Variants in OLA1 observed in about 807,000 individuals in gnomAD.
OLA1 encodes the protein obg-like ATPase 1.
In OLA1, 14 loss-of-function variants were observed where a neutral mutation model predicts 48.4. That is an observed-to-expected ratio of 0.29 (90% confidence interval 0.19 to 0.45). OLA1 has a LOEUF of 0.45. Among genes scored for constraint, OLA1 ranks in the 20% least tolerant of loss-of-function variants. OLA1 has a pLI of 1.00. For missense variants in OLA1, 325 were observed against 467.1 expected (o/e 0.70, Z 2.80); for synonymous variants, 127 against 150.4 (o/e 0.84, Z 1.14).
intron 7 of OLA1, among the ~76,000 whole-genome samples, chr2:174,082,423 A>G (rs1032130313): frequency 1.3e-5 from 2 of 152,144 alleles, no homozygotes; most frequent in African/African-American, 4.8e-5. Context: ...TAAATTTTTA[A>G]AAGAAGACAT....
chr2:174,147,482 T>C (rs1425982199), intron 4 of OLA1, among the ~76,000 whole-genome samples: 1 of 152,160 alleles, frequency 6.6e-6, no homozygotes, highest in Non-Finnish European at 1.5e-5. Context: ...GAATTCTCTC[T>C]TATGGCCTAA....
At chr2:174,204,741 TAA>T (rs11327056) in intron 4 of OLA1, among the ~76,000 whole-genome samples, 14 of 151,582 alleles carry the variant, frequency 9.2e-5, no homozygotes, top group East Asian at 3.9e-4. Context: ...ATAATATTCA[TAA>T]AAAAAAACTT....
At chr2:174,216,706 C>G (rs1196337835) in intron 4 of OLA1, among the ~76,000 whole-genome samples, 1 of 151,820 alleles carries the variant, frequency 6.6e-6, no homozygotes, top group Non-Finnish European at 1.5e-5. Context: ...GTGCACGCCA[C>G]AATGCTGGCT....
At chr2:174,204,220 T>C (rs908934807) in intron 4 of OLA1, among the ~76,000 whole-genome samples, 12 of 151,862 alleles carry the variant, frequency 7.9e-5, no homozygotes, top group Admixed American at 6.5e-5. Flanking sequence ...GCTAACATGG[T>C]GAAACCCCGT....
chr2:174,141,744 G>T, intron 5 of OLA1, 81 bp downstream of exon 5: 1 of 1,012,666 alleles, frequency 9.9e-7, no homozygotes, highest in Non-Finnish European at 1.5e-6. Flanking sequence ...AATATTAGAT[G>T]TATCATATGC....
chr2:174,089,536 C>T (rs1319082254), intron 7 of OLA1, among the ~76,000 whole-genome samples: 1 of 152,120 alleles, frequency 6.6e-6, no homozygotes, highest in Non-Finnish European at 1.5e-5. Context: ...AAAATGTTTG[C>T]TCTGAATCCT....
intron 4 of OLA1, among the ~76,000 whole-genome samples, chr2:174,214,386 C>T (rs750161971): frequency 1.1e-4 from 16 of 152,142 alleles, no homozygotes; most frequent in Non-Finnish European, 2.1e-4. Flanking sequence ...TAAAAATATT[C>T]ATTATTATAA....
intron 7 of OLA1, among the ~76,000 whole-genome samples, chr2:174,093,713 A>G (rs1685180182): frequency 6.6e-6 from 1 of 152,168 alleles, no homozygotes; most frequent in Admixed American, 6.6e-5. Flanking sequence ...CGAGATATGA[A>G]GCCAATATTT....
At chr2:174,242,807 CAAT>C (rs1689035123) in intron 2 of OLA1, among the ~76,000 whole-genome samples, 1 of 152,164 alleles carries the variant, frequency 6.6e-6, no homozygotes. Flanking sequence ...CTCACAACCA[CAAT>C]AATACACTGC....
chr2:174,194,302 G>A (rs1212491226), intron 4 of OLA1, among the ~76,000 whole-genome samples: 2 of 152,078 alleles, frequency 1.3e-5, no homozygotes, highest in Admixed American at 6.5e-5. Flanking sequence ...CAGCCTTCAC[G>A]GACATCACAA....
chr2:174,153,602 G>A (rs374988198), intron 4 of OLA1, among the ~76,000 whole-genome samples: 5 of 151,914 alleles, frequency 3.3e-5, no homozygotes, highest in African/African-American at 9.7e-5. Context: ...TAGATAATTA[G>A]ACATCCGCAC....
intron 7 of OLA1, among the ~76,000 whole-genome samples, chr2:174,089,740 A>G (rs1189329471): frequency 6.6e-6 from 1 of 151,910 alleles, no homozygotes; most frequent in Admixed American, 6.6e-5. Context: ...CGTTTCTACA[A>G]AAAATACAAA....
At chr2:174,107,769 CGATTA>C (rs1201496364) in intron 7 of OLA1, among the ~76,000 whole-genome samples, 4 of 151,662 alleles carry the variant, frequency 2.6e-5, no homozygotes, top group Non-Finnish European at 1.5e-5. Flanking sequence ...ACTATATTCT[CGATTA>C]GATTATAGAA....
At position 174,141,819 on chromosome 2, in the gene OLA1, A is replaced by C; in HGVS notation, c.549+6T>G. The C allele has an allele frequency of 6.3e-7, 1 of 1,581,310 alleles. No individual in the cohort carries two copies. Among genetic ancestry groups the C allele is most frequent in the Non-Finnish European group, 8.5e-7 (1 of 1,169,734 alleles). On this transcript the variant is annotated splice_donor_region_variant and intron_variant, in intron 5 of 10. Coordinates refer to ENST00000284719, the MANE Select transcript of OLA1 (RefSeq NM_013341.5). ...GTATCTAAAGAAGCTGTAAATTTTT[A>C]CTTACATATTCAGGTTTTAGTTTTT... is the stretch of plus-strand genomic sequence containing the variant.
At chr2:174,127,984 A>G (rs2105370787) in intron 5 of OLA1, among the ~76,000 whole-genome samples, 1 of 152,100 alleles carries the variant, frequency 6.6e-6, no homozygotes, top group South Asian at 2.1e-4. Context: ...CGAGGGTAAA[A>G]AAATGTTTAG....
intron 4 of OLA1, among the ~76,000 whole-genome samples, chr2:174,219,164 C>G (rs1290826554): frequency 6.6e-6 from 1 of 151,402 alleles, no homozygotes; most frequent in African/African-American, 2.4e-5. Flanking sequence ...CATTACTGGC[C>G]GGACACGGTG....
chr2:174,227,569 G>A (rs1311847592), intron 3 of OLA1, among the ~76,000 whole-genome samples: 3 of 152,106 alleles, frequency 2.0e-5, no homozygotes, highest in African/African-American at 7.2e-5. Flanking sequence ...GTGTACTTTT[G>A]CAGCTTTTAT....
At chr2:174,211,020 T>A (rs1688228258) in intron 4 of OLA1, among the ~76,000 whole-genome samples, 1 of 152,066 alleles carries the variant, frequency 6.6e-6, no homozygotes, top group Non-Finnish European at 1.5e-5. Context: ...TAAGGCCCCT[T>A]CACACTCCTG....
intron 4 of OLA1, among the ~76,000 whole-genome samples, chr2:174,147,443 A>G (rs1322006193): frequency 6.6e-6 from 1 of 151,990 alleles, no homozygotes; most frequent in Non-Finnish European, 1.5e-5. Flanking sequence ...AAAGAAAAAG[A>G]AAAAAAATCA....
Sources: allele counts gnomAD v4.1 joint callset (sites outside exome capture counted in the v4.1 genomes callset), GRCh38; gene constraint gnomAD v4.1.1; transcripts MANE v1.5; gene names NCBI Gene and HGNC (gene_info 2026-07-23, HGNC 2026-07-21).